Variants in STX8 observed in about 807,000 individuals in gnomAD.
STX8 encodes the protein syntaxin-8.
STX8 carries 23 observed loss-of-function variants against 37.5 expected under a neutral mutation model. The observed-to-expected ratio is 0.61, with a 90% confidence interval of 0.44 to 0.87. The LOEUF (loss-of-function observed/expected upper bound fraction) is 0.87. STX8 is among the 40% of genes least tolerant of loss of function. The pLI, the probability that STX8 is intolerant of heterozygous loss-of-function variation, is 0.00. For missense variants in STX8, 313 were observed against 284.7 expected (o/e 1.10, Z -0.71); for synonymous variants, 115 against 99.1 (o/e 1.16, Z -0.95).
At chr17:9,476,723 G>A (rs1906121861) in intron 6 of STX8, among the ~76,000 whole-genome samples, 1 of 152,118 alleles carries the variant, frequency 6.6e-6, no homozygotes, top group Non-Finnish European at 1.5e-5. Flanking sequence ...AAAGTGCTGG[G>A]ATTACAGGTG....
At chr17:9,412,101 G>A (rs892546264) in intron 6 of STX8, among the ~76,000 whole-genome samples, 5 of 152,070 alleles carry the variant, frequency 3.3e-5, no homozygotes, top group South Asian at 2.1e-4. Flanking sequence ...TTGAGTTGAC[G>A]GAGGATTAAA....
chr17:9,293,822 C>T (rs1908409131), intron 7 of STX8, among the ~76,000 whole-genome samples: 4 of 151,424 alleles, frequency 2.6e-5, no homozygotes, highest in Non-Finnish European at 5.9e-5. Context: ...AGTGCAGCGG[C>T]ACGATCTTGG....
intron 6 of STX8, among the ~76,000 whole-genome samples, chr17:9,456,992 T>C (rs1400895053): frequency 2.0e-5 from 3 of 152,174 alleles, no homozygotes; most frequent in African/African-American, 7.2e-5. Context: ...TTAGGACAGC[T>C]GTGGCTGCAA....
intron 7 of STX8, among the ~76,000 whole-genome samples, chr17:9,324,122 TCTCTCA>T (rs1336655603): frequency 6.8e-5 from 9 of 132,800 alleles, no homozygotes; most frequent in African/African-American, 2.6e-4. Flanking sequence ...TCTCTCTCTC[TCTCTCA>T]CACACACACA....
chr17:9,534,517 G>A (rs1467800158), intron 4 of STX8, among the ~76,000 whole-genome samples: 1 of 152,024 alleles, frequency 6.6e-6, no homozygotes, highest in African/African-American at 2.4e-5. Flanking sequence ...TCGGCCAGGC[G>A]TGGTGGCTCA....
intron 7 of STX8, among the ~76,000 whole-genome samples, chr17:9,338,048 A>ATTTTTTTTTTTTTTTTTTTTTTTT (rs972471091): frequency 9.3e-6 from 1 of 107,888 alleles, no homozygotes; most frequent in African/African-American, 3.6e-5. Flanking sequence ...CCTCTGAAGG[A>ATTTTTTTTTTTTTTTTTTTTTTTT]TTTTTTTTTT....
intron 6 of STX8, among the ~76,000 whole-genome samples, chr17:9,383,856 A>G (rs892194644): frequency 1.3e-5 from 2 of 152,220 alleles, no homozygotes; most frequent in Non-Finnish European, 2.9e-5. Context: ...AAAATCCATT[A>G]TAACGGCATC....
chr17:9,448,050 C>T (rs1433077551), intron 6 of STX8, among the ~76,000 whole-genome samples: 1 of 151,640 alleles, frequency 6.6e-6, no homozygotes, highest in Non-Finnish European at 1.5e-5. Context: ...CGGTGTGCGC[C>T]TGTAGTCCCA....
rs149937816 is a variant in STX8 at position 9,319,749 on chromosome 17, A to G, written c.643+58803T>C. On this transcript the variant is annotated intron_variant, in intron 7 of 7. Coordinates refer to ENST00000306357, the MANE Select transcript of STX8 (RefSeq NM_004853.3). The stretch of plus-strand genomic sequence containing the variant: ...GGGTAGATCACGAGGTCAGGAGTTC[A>G]AGACCAGCCTGACCAACATGGTGAA... Among the ~76,000 whole-genome samples, 646 of 151,892 alleles carry G rather than the reference A, an allele frequency of 4.3e-3. 6 individuals carry two copies. The highest frequency in any genetic ancestry group is 0.015 in the African/African-American group (604 of 41,418).
rs73973386 is a variant in STX8, at chr17:9,266,917, A to G, written c.644-16272T>C. On this transcript the variant is annotated intron_variant, in intron 7 of 7. Transcript: ENST00000306357. Reference sequence around the variant, plus strand: ...TCATAGTTATTCAGTGTGGCTCTGAAGCCTGTCCCCTTTGTCGGGGCAGAA... The same window carrying G: ...TCATAGTTATTCAGTGTGGCTCTGAGGCCTGTCCCCTTTGTCGGGGCAGAA... 8.2e-3 allele frequency among the ~76,000 whole-genome samples: 1,255 copies of G among 152,294 alleles called. 16 individuals carry two copies. Among genetic ancestry groups the G allele is most frequent in the African/African-American group, 0.028 (1,144 of 41,566 alleles).
Position 9,314,575 on chromosome 17 carries a change from AT to A in STX8, c.644-63931del, listed in dbSNP as rs75864623. On this transcript the variant is annotated intron_variant, in intron 7 of 7. Coordinates refer to ENST00000306357, the MANE Select transcript of STX8 (RefSeq NM_004853.3). ...CTCCCATGCCCGGCTAATTTTTTGT[AT>A]TTTTTTTTTTTTTAGTAGAGACGGG... Among the ~76,000 whole-genome samples the A allele has an allele frequency of 7.8e-3, 1,004 of 128,702 alleles. 2 individuals are homozygous for A. Among genetic ancestry groups the A allele is most frequent in the East Asian group, 0.013 (56 of 4,230 alleles). The allele number at this position is 128,702 out of a possible 152,430, so 84.4% of individuals were successfully genotyped here.
chr17:9,268,532 C>T (rs935116042), intron 7 of STX8, among the ~76,000 whole-genome samples: 1 of 152,170 alleles, frequency 6.6e-6, no homozygotes, highest in Non-Finnish European at 1.5e-5. Flanking sequence ...GATGTCCCCC[C>T]GATTCAGTAC....
At chr17:9,320,921 T>C (rs1909554387) in intron 7 of STX8, among the ~76,000 whole-genome samples, 1 of 150,516 alleles carries the variant, frequency 6.6e-6, no homozygotes, top group South Asian at 2.1e-4. Context: ...GAAAGAAATC[T>C]TAATTGTGAT....
At chr17:9,433,342 T>C (rs1366699708) in intron 6 of STX8, among the ~76,000 whole-genome samples, 1 of 152,346 alleles carries the variant, frequency 6.6e-6, no homozygotes, top group South Asian at 2.1e-4. Context: ...TTCCACTTCA[T>C]AGCTTTGTCG....
intron 6 of STX8, among the ~76,000 whole-genome samples, chr17:9,387,298 T>C (rs1912045768): frequency 6.6e-6 from 1 of 151,704 alleles, no homozygotes; most frequent in Admixed American, 6.6e-5. Context: ...AAAAGTGGGC[T>C]TTTTTTTCTT....
intron 4 of STX8, among the ~76,000 whole-genome samples, chr17:9,520,157 A>G (rs1469346696): frequency 6.6e-6 from 1 of 152,238 alleles, no homozygotes; most frequent in Non-Finnish European, 1.5e-5. Context: ...TAGGAAAACC[A>G]TTGAGGTTTT....
chr17:9,495,471 A>G (rs937447124), intron 5 of STX8, among the ~76,000 whole-genome samples: 1 of 152,210 alleles, frequency 6.6e-6, no homozygotes, highest in African/African-American at 2.4e-5. Flanking sequence ...ATTCCTCCAC[A>G]GTTTCCATTA....
chr17:9,334,552 C>T (rs1022256944), intron 7 of STX8, among the ~76,000 whole-genome samples: 8 of 151,940 alleles, frequency 5.3e-5, no homozygotes, highest in East Asian at 1.9e-4. Flanking sequence ...TTTGCAAAGG[C>T]GGTTTCGGCT....
At chr17:9,419,737 T>G (rs1428761980) in intron 6 of STX8, among the ~76,000 whole-genome samples, 1 of 152,160 alleles carries the variant, frequency 6.6e-6, no homozygotes, top group Non-Finnish European at 1.5e-5. Context: ...CCTGAGCCCA[T>G]AGAGCTCTAT....
Sources: gnomAD v4.1 joint callset for allele counts (sites outside exome capture counted in the v4.1 genomes callset) on GRCh38, gnomAD v4.1.1 for gene constraint, MANE v1.5 for transcripts, NCBI Gene and HGNC (gene_info 2026-07-23, HGNC 2026-07-21) for gene names.